The following ELOVL6 variants were observed in gnomAD, a reference collection of about 807,000 sequenced individuals.
The protein encoded by ELOVL6 is very long chain fatty acid elongase 6.
In ELOVL6, 8 loss-of-function variants were observed where a neutral mutation model predicts 31.7. The observed-to-expected ratio is 0.25, with a 90% CI of 0.15 to 0.45. The LOEUF (loss-of-function observed/expected upper bound fraction) is 0.45, where lower values mean the gene tolerates loss of function less well. Among genes scored for constraint, ELOVL6 ranks in the 20% least tolerant of loss-of-function variants. ELOVL6 has a pLI of 1.00. For synonymous variants in ELOVL6, 101 were observed against 117.7 expected (o/e 0.86, Z 0.92); for missense variants, 126 against 326.4 (o/e 0.39, Z 4.73).
In ELOVL6 at chr4:110,075,495, T is replaced by C. The variant is rs534100100; in HGVS notation, c.222-15741A>G. Among the ~76,000 whole-genome samples, 10 of 152,268 alleles carry C rather than the reference T, an allele frequency of 6.6e-5. No individual in the cohort carries two copies. The South Asian group carries it at 1.9e-3, about 28-fold the overall frequency. The stretch of plus-strand genomic sequence containing the variant: ...AGAACCTGGAGGACATTATGCTAAG[T>C]GACATAAGCCAGTCACAAAAAGACA... On this transcript the variant is annotated intron_variant, in intron 2 of 3. Coordinates refer to ENST00000302274, the MANE Select transcript of ELOVL6 (RefSeq NM_024090.3).
chr4:110,108,470 C>A (rs1756947174), intron 1 of ELOVL6, among the ~76,000 whole-genome samples: 1 of 152,176 alleles, frequency 6.6e-6, no homozygotes, highest in African/African-American at 2.4e-5. Context: ...GCTCACTTCC[C>A]AGCAAGGGCC....
At chr4:110,166,785 T>A (rs541911565) in intron 1 of ELOVL6, among the ~76,000 whole-genome samples, 1 of 152,272 alleles carries the variant, frequency 6.6e-6, no homozygotes, top group African/African-American at 2.4e-5. Flanking sequence ...TCAACCCAAC[T>A]ATTAGCTCTC....
At chr4:110,120,281 G>T (rs1757306235) in intron 1 of ELOVL6, among the ~76,000 whole-genome samples, 1 of 150,628 alleles carries the variant, frequency 6.6e-6, no homozygotes, top group Admixed American at 6.6e-5. Flanking sequence ...TAAGCACCAA[G>T]ATTTGAGAGT....
At chr4:110,134,863 G>A (rs993422153) in intron 1 of ELOVL6, among the ~76,000 whole-genome samples, 3 of 152,106 alleles carry the variant, frequency 2.0e-5, no homozygotes, top group Admixed American at 6.6e-5. Context: ...GGAGGCTGGG[G>A]TGGGAAGATT....
At chr4:110,182,471 T>G (rs1418062396) in intron 1 of ELOVL6, among the ~76,000 whole-genome samples, 8 of 152,204 alleles carry the variant, frequency 5.3e-5, no homozygotes, top group Non-Finnish European at 1.2e-4. Context: ...ATACCAGGTA[T>G]TGTACATACA....
chr4:110,135,571 T>A (rs1232138005), intron 1 of ELOVL6, among the ~76,000 whole-genome samples: 1 of 152,156 alleles, frequency 6.6e-6, no homozygotes, highest in Non-Finnish European at 1.5e-5. Flanking sequence ...AGTCAGACAC[T>A]AAAATTGTTT....
chr4:110,078,817 C>T (rs1755739716), intron 2 of ELOVL6, among the ~76,000 whole-genome samples: 2 of 152,190 alleles, frequency 1.3e-5, no homozygotes, highest in South Asian at 4.2e-4. Flanking sequence ...GAGTCAAGAC[C>T]CATCAGTGTG....
intron 1 of ELOVL6, among the ~76,000 whole-genome samples, chr4:110,186,591 G>A (rs1210464792): frequency 5.3e-5 from 8 of 151,602 alleles, no homozygotes; most frequent in South Asian, 2.1e-4. Context: ...GTCACTTAAG[G>A]TCAGGAGTTC....
At chr4:110,158,660 T>A (rs868485726) in intron 1 of ELOVL6, among the ~76,000 whole-genome samples, 3,293 of 104,920 alleles carry the variant, frequency 0.031, 32 homozygotes, top group Middle Eastern at 0.063. Flanking sequence ...TATATATATT[T>A]TTTTTTTTTT....
chr4:110,174,032 TG>T (rs1759029039), intron 1 of ELOVL6, among the ~76,000 whole-genome samples: 1 of 151,854 alleles, frequency 6.6e-6, no homozygotes, highest in South Asian at 2.1e-4. Flanking sequence ...AAATATTCGT[TG>T]GATAGAAAAA....
At chr4:110,091,873 C>A (rs185281959) in intron 2 of ELOVL6, among the ~76,000 whole-genome samples, 1 of 152,154 alleles carries the variant, frequency 6.6e-6, no homozygotes, top group South Asian at 2.1e-4. Context: ...AAGTATTATG[C>A]CCCGGATCAA....
rs59169507 is a variant in ELOVL6, at chr4:110,047,890, C to CAAAAAAAAAAAAAAAAAAAA, written c.*3428_*3447dup. The CAAAAAAAAAAAAAAAAAAAA allele has an allele frequency of 1.6e-5, 1 of 63,710 alleles. No homozygotes were observed. The highest frequency in any genetic ancestry group is 6.1e-5 in the African/African-American group (1 of 16,474). The allele number at this position is 63,710 out of a possible 1,614,324, so 3.9% of individuals were successfully genotyped here. A position where few individuals can be genotyped will look rare whatever the true frequency, so the allele number is the denominator to read the frequency against. ...GGGCAACAACAGCAAGAATCCACCT[C>CAAAAAAAAAAAAAAAAAAAA]AAAAAAAAAAAAAAAAAAAAAAAGA... On this transcript the variant is annotated 3_prime_UTR_variant, in exon 4 of 4. Transcript: ENST00000302274.
intron 2 of ELOVL6, among the ~76,000 whole-genome samples, chr4:110,060,577 G>C (rs987609756): frequency 6.6e-6 from 1 of 152,196 alleles, no homozygotes; most frequent in African/African-American, 2.4e-5. Context: ...TAAGGAAATA[G>C]GAAGTTCTGG....
At chr4:110,083,946 CATGTTAT>C (rs779611232) in intron 2 of ELOVL6, among the ~76,000 whole-genome samples, 1,383 of 22,988 alleles carry the variant, frequency 0.06, 71 homozygotes, top group African/African-American at 0.12. Flanking sequence ...ATATATATAA[CATGTTAT>C]ATATGATATA....
intron 1 of ELOVL6, among the ~76,000 whole-genome samples, chr4:110,191,937 C>T (rs1759634697): frequency 6.6e-6 from 1 of 152,138 alleles, no homozygotes; most frequent in East Asian, 1.9e-4. Flanking sequence ...CACCTGTAAT[C>T]CCAGCACTTT....
At chr4:110,180,437 G>A (rs1184335054) in intron 1 of ELOVL6, among the ~76,000 whole-genome samples, 1 of 152,176 alleles carries the variant, frequency 6.6e-6, no homozygotes, top group South Asian at 2.1e-4. Flanking sequence ...CTACTGGAGT[G>A]GAGTAGTACA....
chr4:110,062,231 T>C (rs1048819423), intron 2 of ELOVL6, among the ~76,000 whole-genome samples: 2 of 152,204 alleles, frequency 1.3e-5, no homozygotes, highest in African/African-American at 2.4e-5. Flanking sequence ...ACCTATAATA[T>C]TGCTGACAGC....
chr4:110,184,736 G>A (rs999171223), intron 1 of ELOVL6, among the ~76,000 whole-genome samples: 2 of 152,176 alleles, frequency 1.3e-5, no homozygotes, highest in African/African-American at 4.8e-5. Flanking sequence ...TAGGAGAAAA[G>A]GGAGATGAGT....
chr4:110,180,173 C>T (rs1759229778), intron 1 of ELOVL6, among the ~76,000 whole-genome samples: 1 of 152,048 alleles, frequency 6.6e-6, no homozygotes, highest in African/African-American at 2.4e-5. Context: ...TTATTGTATC[C>T]ATATAATGCA....
Sources: gnomAD v4.1 joint callset for allele counts (sites outside exome capture counted in the v4.1 genomes callset) on GRCh38, gnomAD v4.1.1 for gene constraint, MANE v1.5 for transcripts, NCBI Gene and HGNC (gene_info 2026-07-23, HGNC 2026-07-21) for gene names.